The following ARID3A variants were observed in gnomAD, a reference collection of about 807,000 sequenced individuals.
ARID3A encodes AT-rich interaction domain 3A.
A neutral mutation model predicts 52.7 loss-of-function variants in ARID3A; 11 were observed. The ratio of observed to expected loss-of-function variants is 0.21; its 90% CI spans 0.13 to 0.35. ARID3A has a LOEUF of 0.35. ARID3A is among the 10% of genes least tolerant of loss of function. ARID3A has a pLI of 1.00. For missense variants in ARID3A, 721 were observed against 838.5 expected (o/e 0.86, Z 1.73); for synonymous variants, 404 against 359.4 (o/e 1.12, Z -1.40).
intron 3 of ARID3A, among the ~76,000 whole-genome samples, chr19:939,077 C>T (rs2037492682): frequency 6.6e-6 from 1 of 151,000 alleles, no homozygotes; most frequent in Non-Finnish European, 1.5e-5. Flanking sequence ...ACTACAGGCG[C>T]GTGCCACCAC....
At chr19:946,439 C>CTTTTTTTTT (rs58290960) in intron 3 of ARID3A, among the ~76,000 whole-genome samples, 17 of 60,388 alleles carry the variant, frequency 2.8e-4, no homozygotes, top group Middle Eastern at 0.01. Flanking sequence ...TTTTTTGAAT[C>CTTTTTTTTT]TTTTTTTTTT....
chr19:970,708 C>T (rs1472336372), intron 8 of ARID3A, among the ~76,000 whole-genome samples: 5 of 151,726 alleles, frequency 3.3e-5, no homozygotes, highest in African/African-American at 4.8e-5. Flanking sequence ...CTCCTGACTT[C>T]GTGATCTGCT....
At chr19:958,825 G>A (rs1040674515) in intron 3 of ARID3A, among the ~76,000 whole-genome samples, 13 of 152,094 alleles carry the variant, frequency 8.5e-5, no homozygotes, top group Admixed American at 6.5e-5. Context: ...CCCGGGAGGC[G>A]GAGGTTGCGG....
Position 947,607 on chromosome 19 carries a change from C to T in ARID3A, c.694-12485C>T, listed in dbSNP as rs374842394. 9.2e-5 allele frequency among the ~76,000 whole-genome samples: 14 copies of T among 152,166 alleles called. No homozygotes were observed. The highest frequency in any genetic ancestry group is 3.4e-4 in the African/African-American group (14 of 41,434). ...CAGGGTGGCGATCGCACGAAGGGCC[C>T]GTCACGGGAGAATGAGGAGGGTCTG... On this transcript the variant is annotated intron_variant, in intron 3 of 8. Transcript: ENST00000263620. This position sits in a 1 kb window ranked among gnomAD's most constrained non-coding sequence, Gnocchi z 6.3.
intron 1 of ARID3A, among the ~76,000 whole-genome samples, chr19:927,767 C>T (rs778373469): frequency 5.3e-5 from 8 of 152,120 alleles, no homozygotes; most frequent in Non-Finnish European, 5.9e-5. Context: ...CCGCCAGGCT[C>T]TCCTGGTCAC....
chr19:973,522 G>A lies in ARID3A; in HGVS notation c.*1457G>A, dbSNP rs191250520. The A allele has an allele frequency of 6.6e-4, 146 of 221,104 alleles. No homozygotes were observed. Among genetic ancestry groups the A allele is most frequent in the Admixed American group, 1.2e-3 (21 of 17,336 alleles). The allele number at this position is 221,104 out of a possible 1,614,324, so 13.7% of individuals were successfully genotyped here. On this transcript the variant is annotated 3_prime_UTR_variant, in exon 9 of 9. Coordinates refer to ENST00000263620, the MANE Select transcript of ARID3A (RefSeq NM_005224.3). ...CTCCTGTCTCAGGGATGAATGTGGC[G>A]TCTCATTGGGATTCTTCTCTTGCCC...
At chr19:953,650 G>C (rs1238649992) in intron 3 of ARID3A, among the ~76,000 whole-genome samples, 2 of 152,222 alleles carry the variant, frequency 1.3e-5, no homozygotes, top group Non-Finnish European at 2.9e-5. Flanking sequence ...GGGGGCTGTG[G>C]AGGGGGCTCT....
chr19:958,551 T>C (rs1052971279), intron 3 of ARID3A, among the ~76,000 whole-genome samples: 1 of 152,158 alleles, frequency 6.6e-6, no homozygotes, highest in Admixed American at 6.5e-5. Context: ...TACAATCACG[T>C]GTTGACACTT....
At chr19:949,019 C>G (rs569105463) in intron 3 of ARID3A, among the ~76,000 whole-genome samples, 1 of 152,244 alleles carries the variant, frequency 6.6e-6, no homozygotes, top group Admixed American at 6.5e-5. Context: ...GCGTGGCCAT[C>G]CTGGAGTCTA....
rs747005961 is a variant in ARID3A, at chr19:929,924, C to T, written c.368+28C>T. The stretch of plus-strand genomic sequence containing the variant: ...GAGTTGGGGTCTGGGGCAGGGCCTT[C>T]TGGGGGCTGTTACTGGCTCTGAGTG... On this transcript the variant is annotated intron_variant, in intron 2 of 8. Coordinates refer to ENST00000263620, the MANE Select transcript of ARID3A (RefSeq NM_005224.3). The surrounding 1 kb of genome is among the most constrained non-coding windows in gnomAD (Gnocchi z 6.2). 12 of 1,537,052 alleles carry T rather than the reference C, an allele frequency of 7.8e-6. No homozygotes were observed. Among genetic ancestry groups the T allele is most frequent in the African/African-American group, 1.4e-5 (1 of 73,094 alleles).
chr19:931,774 T>A (rs1029598055), intron 2 of ARID3A, among the ~76,000 whole-genome samples: 1 of 151,138 alleles, frequency 6.6e-6, no homozygotes, highest in South Asian at 2.1e-4. Context: ...GATTGCGCCG[T>A]TGCACTCCAG....
In ARID3A at chr19:932,572, C is replaced by T. The variant is rs1343326860; in HGVS notation, c.523C>T (p.Arg175Ter). 3 of 1,503,974 alleles carry T rather than the reference C, an allele frequency of 2.0e-6. No homozygotes were observed. The highest frequency in any genetic ancestry group is 2.5e-5 in the Admixed American group (1 of 40,618). 93.2% of individuals were successfully genotyped at this position (1,503,974 alleles called of 1,614,324 possible). ...ASLGTTALFP[R>*]KAQPPQAFRG... ...CTTGGGCACCACGGCACTGTTCCCC[C>T]GAAAGGCCCAGCCACCCCAGGCCTT... Residue 175 changes from arginine (R) to a stop codon, truncating the protein, a stop_gained, in exon 3 of 9, where the codon CGA becomes TGA. Coordinates refer to ENST00000263620, the MANE Select transcript of ARID3A (RefSeq NM_005224.3). LOFTEE classifies it high-confidence loss of function.
chr19:937,423 A>T (rs1473402629), intron 3 of ARID3A, among the ~76,000 whole-genome samples: 1 of 152,010 alleles, frequency 6.6e-6, no homozygotes, highest in East Asian at 1.9e-4. Flanking sequence ...CGCTGGATGG[A>T]TGTGCCGTAT....
rs533469838 is a variant in ARID3A, at chr19:948,048, G to A, written c.694-12044G>A. ...AAGGGCCTGAGGTCACACAGCAGAC[G>A]CTAGCTAAGTAAGCGCCTGCTGGGT... On this transcript the variant is annotated intron_variant, in intron 3 of 8. Coordinates refer to ENST00000263620, the MANE Select transcript of ARID3A (RefSeq NM_005224.3). Among the ~76,000 whole-genome samples the A allele has an allele frequency of 1.4e-3, 215 of 152,238 alleles. 1 individual carries two copies. Among genetic ancestry groups the A allele is most frequent in the African/African-American group, 4.7e-3 (196 of 41,554 alleles).
chr19:943,628 G>A (rs1362029752), intron 3 of ARID3A, among the ~76,000 whole-genome samples: 2 of 152,170 alleles, frequency 1.3e-5, no homozygotes, highest in African/African-American at 4.8e-5. Flanking sequence ...AGATAGCTGT[G>A]TGGAGACAGA....
Position 966,675 on chromosome 19 carries a change from C to T in ARID3A, c.1302C>T (p.Ala434=), listed in dbSNP as rs370671726. ...AGGCAGCAGCTGTGCAAGCAGCAGC[C>T]GCCCAAGCAGCTGTGGCCGCACAGG... ...AAQAAAVQAA[A]AQAAVAAQAA... Residue 434 remains alanine, a synonymous_variant, in exon 7 of 9, where the codon GCC becomes GCT. Transcript: ENST00000263620. The T allele has an allele frequency of 5.9e-5, 95 of 1,610,414 alleles. No homozygotes were observed. Among genetic ancestry groups the T allele is most frequent in the South Asian group, 4.5e-4 (41 of 90,982 alleles).
In ARID3A at chr19:964,288, C is replaced by T. The variant is rs2038101571; in HGVS notation, c.807C>T (p.Val269=). Residue 269 remains valine (V), a synonymous_variant, in exon 5 of 9, where the codon GTC becomes GTT. Transcript: ENST00000263620. This position sits in a 1 kb window ranked among gnomAD's most constrained non-coding sequence, Gnocchi z 5.7. ...GCATCCCCATCATGGCCAAACAGGT[C>T]CTTGACCTGTTCATGCTGTACGTGC... The part of the protein sequence containing the change: ...VNRIPIMAKQ[V]LDLFMLYVLV... The T allele has an allele frequency of 6.2e-7, 1 of 1,614,044 alleles. No homozygotes were observed. Among genetic ancestry groups the T allele is most frequent in the Non-Finnish European group, 8.5e-7 (1 of 1,179,968 alleles).
intron 3 of ARID3A, among the ~76,000 whole-genome samples, chr19:940,668 G>A (rs2037530518): frequency 1.3e-5 from 2 of 152,174 alleles, no homozygotes; most frequent in African/African-American, 2.4e-5. Context: ...AGCAGGTTCC[G>A]AGCACACAGA....
chr19:936,906 C>T (rs2037449990), intron 3 of ARID3A, among the ~76,000 whole-genome samples: 2 of 152,058 alleles, frequency 1.3e-5, no homozygotes, highest in African/African-American at 2.4e-5. Flanking sequence ...CCAGCACGCC[C>T]CAGCCCCTGG....
Sources: gnomAD v4.1 joint callset for allele counts (sites outside exome capture counted in the v4.1 genomes callset) on GRCh38, gnomAD v4.1.1 for gene constraint, Gnocchi (gnomAD v3.1) non-coding constraint, MANE v1.5 for transcripts, NCBI Gene and HGNC (gene_info 2026-07-23, HGNC 2026-07-21) for gene names.